Variants in ST6GALNAC2 observed in about 807,000 individuals in gnomAD.
ST6GALNAC2 encodes the protein ST6 N-acetylgalactosaminide alpha-2,6-sialyltransferase 2.
ST6GALNAC2 carries 42 observed loss-of-function variants against 38.7 expected under a neutral mutation model. The ratio of observed to expected loss-of-function variants is 1.09; its 90% CI spans 0.85 to 1.40. The LOEUF is 1.40. Ranked by LOEUF, ST6GALNAC2 falls within the 40% of genes most tolerant of loss-of-function variation. The pLI is 0.00. For missense variants in ST6GALNAC2, 506 were observed against 481.7 expected (o/e 1.05, Z -0.47); for synonymous variants, 233 against 209.0 (o/e 1.11, Z -0.99).
chr17:76,574,317 C>T, intron 3 of ST6GALNAC2, 48 bp downstream of exon 3: 1 of 1,584,672 alleles, frequency 6.3e-7, no homozygotes, highest in Non-Finnish European at 8.6e-7. Flanking sequence ...GGGCAAAGAG[C>T]AGGAAGCTAA....
chr17:76,578,634 T>A, intron 2 of ST6GALNAC2, 122 bp downstream of exon 2: 1 of 893,620 alleles, frequency 1.1e-6, no homozygotes. Flanking sequence ...AGCTGTAACT[T>A]AGGGCGTTCC....
chr17:76,574,457 A>T lies in ST6GALNAC2; in HGVS notation c.269T>A (p.Val90Glu), dbSNP rs1185079678. 1.1e-5 allele frequency: 17 copies of T among 1,613,802 alleles called. No individual in the cohort carries two copies. Among genetic ancestry groups the T allele is most frequent in the Non-Finnish European group, 1.4e-5 (17 of 1,180,002 alleles). The stretch of plus-strand genomic sequence containing the variant: ...GGTGAAGAGGTCCCCCCACAGCAGC[A>T]CTGGAATGGAGAGATTGAACAGGCC... ...FRGLFNLSIPVLLWGDLFTPA... is the reference protein window; with the variant it reads ...FRGLFNLSIPELLWGDLFTPA... The change falls in exon 3 of 9, where the codon GTG (valine) becomes GAG (glutamate). Residue 90 changes from valine (V) to glutamate (E), a missense_variant. Transcript: ENST00000225276.
intron 2 of ST6GALNAC2, among the ~76,000 whole-genome samples, chr17:76,578,088 C>T (rs929790701): frequency 2.0e-5 from 3 of 152,124 alleles, no homozygotes; most frequent in African/African-American, 7.2e-5. Flanking sequence ...ATCGGCAGCA[C>T]ATGGAGCCAG....
At chr17:76,571,232 T>G (rs891971395) in intron 5 of ST6GALNAC2, 3 of 153,704 alleles carry the variant, frequency 2.0e-5, no homozygotes, top group African/African-American at 7.2e-5. Flanking sequence ...TATTTGTTGT[T>G]TAAAGCCACC....
chr17:76,574,025 G>T (rs1207677608), intron 3 of ST6GALNAC2, among the ~76,000 whole-genome samples: 1 of 152,190 alleles, frequency 6.6e-6, no homozygotes, highest in Non-Finnish European at 1.5e-5. Context: ...CCTGCAGTGT[G>T]GGGGTTCCTG....
intron 6 of ST6GALNAC2, 63 bp downstream of exon 6, chr17:76,570,502 A>T: frequency 8.4e-7 from 1 of 1,197,602 alleles, no homozygotes. Flanking sequence ...AGCAAAAAGG[A>T]GATAACCACA....
At chr17:76,584,871 C>T (rs993982233) in intron 1 of ST6GALNAC2, among the ~76,000 whole-genome samples, 16 of 152,214 alleles carry the variant, frequency 1.1e-4, no homozygotes, top group Admixed American at 1.0e-3. Context: ...CCGGGCCCTT[C>T]CCTCCTCCCA....
In ST6GALNAC2 at chr17:76,572,653, G is replaced by A. The variant is rs1369920512; in HGVS notation, c.653C>T (p.Ser218Phe). The A allele has an allele frequency of 5.0e-6, 8 of 1,614,118 alleles. No individual in the cohort carries two copies. The South Asian group carries it at 7.7e-5, about 16-fold the overall frequency. Residue 218 changes from serine to phenylalanine, a missense_variant, in exon 5 of 9, where the codon TCC (serine) becomes TTC (phenylalanine). Physicochemically the swap from Ser to Phe is radical, Grantham distance 155. Coordinates refer to ENST00000225276, the MANE Select transcript of ST6GALNAC2 (RefSeq NM_006456.3). ...LVSYWNLGFT[S>F]VPQGQDLQYI... ...AGGCCTCACCTGTCCTTGTGGCACG[G>A]AGGTGAAGCCCAGATTCCAGTAGGA...
intron 2 of ST6GALNAC2, 90 bp downstream of exon 2, chr17:76,578,665 TC>T (rs1464772027): frequency 8.0e-7 from 1 of 1,249,184 alleles, no homozygotes; most frequent in Non-Finnish European, 1.1e-6. Flanking sequence ...TGCCCAGCAA[TC>T]TCATGAGAGT....
intron 6 of ST6GALNAC2, chr17:76,570,264 C>T (rs575212368): frequency 2.4e-5 from 9 of 374,972 alleles, no homozygotes; most frequent in Middle Eastern, 8.0e-4. Flanking sequence ...AGCCCAAAGC[C>T]GAGAAGCCAG....
intron 1 of ST6GALNAC2, among the ~76,000 whole-genome samples, chr17:76,582,712 C>T (rs1182484354): frequency 2.6e-5 from 4 of 152,196 alleles, no homozygotes; most frequent in South Asian, 2.1e-4. Flanking sequence ...GACCCTGTCC[C>T]AGATGCCCAT....
In ST6GALNAC2 at chr17:76,566,002, T is replaced by C; in HGVS notation, c.*102A>G. The C allele has an allele frequency of 1.6e-6, 2 of 1,268,710 alleles. No homozygotes were observed. 78.6% of individuals were successfully genotyped at this position (1,268,710 alleles called of 1,614,324 possible). ...TTGAATTCACCCCAGTGCCCTCTGT[T>C]GGCAAGGGAAGGTGAAGATTGAAAA... On this transcript the variant is annotated 3_prime_UTR_variant, in exon 9 of 9. Transcript: ENST00000225276.
chr17:76,572,865 C>G (rs1356919086), intron 4 of ST6GALNAC2, 90 bp from the exon 5 acceptor site: 1 of 1,519,804 alleles, frequency 6.6e-7, no homozygotes, highest in Non-Finnish European at 9.0e-7. Context: ...GCCTATCCCC[C>G]TGCCTCTGTA....
At chr17:76,571,684 A>G (rs1231687264) in intron 5 of ST6GALNAC2, among the ~76,000 whole-genome samples, 1 of 152,218 alleles carries the variant, frequency 6.6e-6, no homozygotes, top group Non-Finnish European at 1.5e-5. Context: ...CATAGACACT[A>G]TGGTAGGACA....
intron 1 of ST6GALNAC2, among the ~76,000 whole-genome samples, chr17:76,585,045 G>T (rs919436626): frequency 6.6e-6 from 1 of 152,268 alleles, no homozygotes; most frequent in African/African-American, 2.4e-5. Flanking sequence ...TGGAGCGCAG[G>T]ACGCGGCGCG....
rs372049590 is a variant in ST6GALNAC2, at chr17:76,566,131, G to C, written c.1098C>G (p.Ala366=). The change falls in exon 9 of 9, where the codon GCC becomes GCG. Residue 366 remains alanine (A), a synonymous_variant. Transcript: ENST00000225276. ...AGCGCTGGTACAGCTGAAGGATGCC[G>C]GCCTTGTGCAGGTCCCTCCACAGGG... ...EAALWRDLHK[A]GILQLYQR 5.7e-5 allele frequency: 92 copies of C among 1,613,942 alleles called. No homozygotes were observed. Among genetic ancestry groups the C allele is most frequent in the Non-Finnish European group, 7.5e-5 (89 of 1,180,004 alleles).
intron 6 of ST6GALNAC2, chr17:76,569,770 G>GT (rs2075331588): frequency 1.6e-5 from 3 of 183,188 alleles, no homozygotes; most frequent in East Asian, 8.4e-5. Context: ...TAATCACCAA[G>GT]CGGGGGTGGG....
At chr17:76,567,614 T>C (rs2075300905) in intron 7 of ST6GALNAC2, 62 bp from the exon 8 acceptor site, 2 of 1,121,968 alleles carry the variant, frequency 1.8e-6, no homozygotes, top group Non-Finnish European at 2.7e-6. Context: ...ACTTCACAAC[T>C]ACACATTCAA....
Position 76,565,979 on chromosome 17 carries a change from G to C in ST6GALNAC2, c.*125C>G, listed in dbSNP as rs2075275540. 4.0e-6 allele frequency: 4 copies of C among 1,012,508 alleles called. No homozygotes were observed. In the South Asian group the frequency reaches 6.8e-5, roughly 17 times the overall value. 62.7% of individuals were successfully genotyped at this position (1,012,508 alleles called of 1,614,324 possible). A position where few individuals can be genotyped will look rare whatever the true frequency, so the allele number is the denominator to read the frequency against. On this transcript the variant is annotated 3_prime_UTR_variant, in exon 9 of 9. Coordinates refer to ENST00000225276, the MANE Select transcript of ST6GALNAC2 (RefSeq NM_006456.3). ...TTGAACAGACCTCGATGAAAATCTT[G>C]AATTCACCCCAGTGCCCTCTGTTGG...
Sources: gnomAD v4.1 joint callset for allele counts (sites outside exome capture counted in the v4.1 genomes callset) on GRCh38, gnomAD v4.1.1 for gene constraint, MANE v1.5 for transcripts, NCBI Gene and HGNC (gene_info 2026-07-23, HGNC 2026-07-21) for gene names.